Variants in CRHR1 observed in about 807,000 individuals in gnomAD.
The protein encoded by CRHR1 is corticotropin releasing hormone receptor 1, also known as corticotropin-releasing hormone receptor 1.
Under a neutral mutation model 56.0 loss-of-function variants are expected in CRHR1, and 28 were observed. The observed-to-expected ratio is 0.50, with a 90% CI of 0.37 to 0.69. The LOEUF (loss-of-function observed/expected upper bound fraction) is 0.69. Ranked by LOEUF, CRHR1 falls within the 30% of genes least tolerant of loss-of-function variation. The pLI is 0.00. For missense variants in CRHR1, 376 were observed against 548.0 expected (o/e 0.69, Z 3.13); for synonymous variants, 195 against 216.5 (o/e 0.90, Z 0.87).
chr17:45,832,243 A>G (rs976465261), intron 8 of CRHR1, among the ~76,000 whole-genome samples: 2 of 152,170 alleles, frequency 1.3e-5, no homozygotes, highest in African/African-American at 4.8e-5. Context: ...CTCAAAAAAC[A>G]AAGCAAAACA....
chr17:45,794,921 G>A lies in CRHR1; in HGVS notation c.33+10344G>A, dbSNP rs114558486. On this transcript the variant is annotated intron_variant, in intron 1 of 12. Transcript: ENST00000314537. ...GAGAGGCTCTGGTGGAGCCTCAGCT[G>A]GGTGAGCTCAGCTCGCTGACTCTGG... Among the ~76,000 whole-genome samples the A allele has an allele frequency of 5.7e-3, 868 of 152,330 alleles. 8 individuals are homozygous for A. The highest frequency in any genetic ancestry group is 0.019 in the African/African-American group (809 of 41,566).
chr17:45,784,612 G>T lies in CRHR1; in HGVS notation c.33+35G>T. The T allele has an allele frequency of 2.0e-6, 3 of 1,532,902 alleles. No homozygotes were observed. Among genetic ancestry groups the T allele is most frequent in the Non-Finnish European group, 2.6e-6 (3 of 1,138,778 alleles). The allele number at this position is 1,532,902 out of a possible 1,614,324, so 95.0% of individuals were successfully genotyped here. A position where few individuals can be genotyped will look rare whatever the true frequency, so the allele number is the denominator to read the frequency against. On this transcript the variant is annotated intron_variant, in intron 1 of 12. Coordinates refer to ENST00000314537, the MANE Select transcript of CRHR1 (RefSeq NM_004382.5). The surrounding 1 kb of genome is among the most constrained non-coding windows in gnomAD (Gnocchi z 4.2). The stretch of plus-strand genomic sequence containing the variant: ...CGCCGGCCATCCCTCGAGCGCTGGC[G>T]CCCCCGGCCCCTGGCGGACGCGGGA...
At chr17:45,785,911 G>A (rs1462289692) in intron 1 of CRHR1, among the ~76,000 whole-genome samples, 1 of 152,202 alleles carries the variant, frequency 6.6e-6, no homozygotes, top group Non-Finnish European at 1.5e-5. Flanking sequence ...CTGAGGGCTA[G>A]GGATGAACTC....
At chr17:45,801,117 G>T (rs1460136870) in intron 1 of CRHR1, among the ~76,000 whole-genome samples, 14 of 152,182 alleles carry the variant, frequency 9.2e-5, no homozygotes, top group East Asian at 1.9e-4. Flanking sequence ...GGCCCTGGGG[G>T]TGGGGGTGTG....
chr17:45,793,987 T>A (rs985048250), intron 1 of CRHR1, among the ~76,000 whole-genome samples: 1 of 152,130 alleles, frequency 6.6e-6, no homozygotes, highest in Non-Finnish European at 1.5e-5. Context: ...AGGACTCCCC[T>A]CAGAACTAAG....
At chr17:45,830,041 C>T in intron 5 of CRHR1, 53 bp from the exon 6 acceptor site, 1 of 1,610,112 alleles carries the variant, frequency 6.2e-7, no homozygotes, top group Non-Finnish European at 8.5e-7. Context: ...GTGGCCTACC[C>T]CTCATCCTCT....
At chr17:45,792,807 A>T (rs2061450467) in intron 1 of CRHR1, among the ~76,000 whole-genome samples, 1 of 152,208 alleles carries the variant, frequency 6.6e-6, no homozygotes, top group Non-Finnish European at 1.5e-5. Context: ...AGGGGGCTCA[A>T]AAACACCTAC....
chr17:45,832,069 C>CAAAAAAACAAAAAA (rs67655301), intron 8 of CRHR1, among the ~76,000 whole-genome samples: 95 of 150,754 alleles, frequency 6.3e-4, no homozygotes, highest in African/African-American at 2.2e-3. Context: ...AAAAAAAAAA[C>CAAAAAAACAAAAAA]AAAAAAACAA....
At position 45,833,435 on chromosome 17, in the gene CRHR1, G is replaced by C. The variant is rs758490500; in HGVS notation, c.844-17G>C. The C allele has an allele frequency of 5.0e-6, 8 of 1,613,796 alleles. No individual in the cohort carries two copies. The highest frequency in any genetic ancestry group is 4.4e-5 in the South Asian group (4 of 91,078). On this transcript the variant is annotated splice_polypyrimidine_tract_variant and intron_variant, in intron 9 of 12. Coordinates refer to ENST00000314537, the MANE Select transcript of CRHR1 (RefSeq NM_004382.5). ...GCCTCTTGCACACTCCGGCCCGCTG[G>C]TGTGCTCAAATTGCAGATCAATTTC...
At chr17:45,785,241 G>A (rs1007024627) in intron 1 of CRHR1, among the ~76,000 whole-genome samples, 6 of 152,256 alleles carry the variant, frequency 3.9e-5, no homozygotes, top group Non-Finnish European at 8.8e-5. Context: ...ACCCTGCGAC[G>A]CGGATCGGGC....
At chr17:45,822,941 C>T (rs1230655869) in intron 4 of CRHR1, among the ~76,000 whole-genome samples, 1 of 151,748 alleles carries the variant, frequency 6.6e-6, no homozygotes, top group Non-Finnish European at 1.5e-5. Context: ...GTCAGGAGAT[C>T]GAGACCATCC....
At chr17:45,825,385 C>T (rs1484149781) in intron 4 of CRHR1, 1 of 154,668 alleles carries the variant, frequency 6.5e-6, no homozygotes, top group Non-Finnish European at 1.5e-5. Context: ...CACCACCTCC[C>T]GCTACTACTG....
intron 3 of CRHR1, among the ~76,000 whole-genome samples, chr17:45,820,735 A>G (rs2143114834): frequency 6.6e-6 from 1 of 152,234 alleles, no homozygotes; most frequent in South Asian, 2.1e-4. Flanking sequence ...ACGACCTTCC[A>G]ACACAGGCCC....
At chr17:45,830,753 G>A in intron 7 of CRHR1, 127 bp from the exon 8 acceptor site, 7 of 1,187,088 alleles carry the variant, frequency 5.9e-6, no homozygotes, top group Non-Finnish European at 8.3e-6. Flanking sequence ...CTTGAAGGAG[G>A]TGTGTGAGTT....
At chr17:45,833,269 A>C in intron 9 of CRHR1, 59 bp downstream of exon 9, 1 of 1,579,844 alleles carries the variant, frequency 6.3e-7, no homozygotes, top group African/African-American at 1.3e-5. Flanking sequence ...ATCAGTGCCA[A>C]CCGTGGACAG....
chr17:45,804,679 G>A (rs2061687955), intron 1 of CRHR1, among the ~76,000 whole-genome samples: 1 of 152,112 alleles, frequency 6.6e-6, no homozygotes, highest in African/African-American at 2.4e-5. Context: ...AGGGAAGAGA[G>A]GATGGACACC....
At chr17:45,815,723 C>A (rs1366076220) in intron 2 of CRHR1, among the ~76,000 whole-genome samples, 1 of 152,174 alleles carries the variant, frequency 6.6e-6, no homozygotes. Flanking sequence ...AGTGACTTGC[C>A]TATGATCTCA....
At position 45,835,048 on chromosome 17, in the gene CRHR1, G is replaced by A. The variant is rs551004899; in HGVS notation, c.*284G>A. On this transcript the variant is annotated 3_prime_UTR_variant, in exon 13 of 13. Transcript: ENST00000314537. ...ACATGGGAATGAATTGAAATGGGGC[G>A]CTGGACACCTACAGCAGCACGCATG... 29 of 496,578 alleles carry A rather than the reference G, an allele frequency of 5.8e-5. No individual in the cohort carries two copies. Among genetic ancestry groups the A allele is most frequent in the Admixed American group, 5.3e-4 (16 of 29,914 alleles). The allele number at this position is 496,578 out of a possible 1,614,324, so 30.8% of individuals were successfully genotyped here. A position where few individuals can be genotyped will look rare whatever the true frequency, so the allele number is the denominator to read the frequency against.
chr17:45,815,358 T>C (rs1044173976), intron 2 of CRHR1, among the ~76,000 whole-genome samples: 1 of 152,136 alleles, frequency 6.6e-6, no homozygotes, highest in African/African-American at 2.4e-5. Flanking sequence ...GGAGGCCATA[T>C]CCACCCTCCC....
Sources: gnomAD v4.1 joint callset for allele counts (sites outside exome capture counted in the v4.1 genomes callset) on GRCh38, gnomAD v4.1.1 for gene constraint, Gnocchi (gnomAD v3.1) non-coding constraint, MANE v1.5 for transcripts, NCBI Gene and HGNC (gene_info 2026-07-23, HGNC 2026-07-21) for gene names.